DOCK3: variants seen among roughly 807,000 people sequenced by gnomAD.
DOCK3 encodes dedicator of cytokinesis 3, also known as dedicator of cytokinesis protein 3.
A neutral mutation model predicts 265.6 loss-of-function variants in DOCK3; 60 were observed. The observed-to-expected ratio is 0.23, with a 90% CI of 0.18 to 0.28. DOCK3 has a LOEUF of 0.28. Among genes scored for constraint, DOCK3 ranks in the 10% least tolerant of loss-of-function variants. The pLI, the probability that DOCK3 is intolerant of heterozygous loss-of-function variation, is 1.00. For missense variants in DOCK3, 1,981 were observed against 2,594.3 expected, an observed-to-expected ratio of 0.76 and a Z score of 5.14; for synonymous variants, 881 against 938.0, an observed-to-expected ratio of 0.94 and a Z score of 1.11.
At chr3:50,786,195 C>T (rs1360875432) in intron 2 of DOCK3, among the ~76,000 whole-genome samples, 3 of 152,076 alleles carry the variant, frequency 2.0e-5, no homozygotes, top group African/African-American at 4.8e-5. Flanking sequence ...GATTTTCTCT[C>T]TTCTTGGTTA....
chr3:51,013,590 A>T (rs909565884), intron 5 of DOCK3, among the ~76,000 whole-genome samples: 1 of 152,150 alleles, frequency 6.6e-6, no homozygotes, highest in African/African-American at 2.4e-5. Context: ...GTCAGCCCCT[A>T]TTGGGAGGTG....
intron 16 of DOCK3, 103 bp downstream of exon 16, chr3:51,227,548 AAG>A: frequency 6.7e-7 from 1 of 1,492,800 alleles, no homozygotes; most frequent in African/African-American, 1.4e-5. Context: ...CAAGAAAATG[AAG>A]AGTTAGGAAT....
At chr3:51,055,105 G>A (rs1392993570) in intron 5 of DOCK3, among the ~76,000 whole-genome samples, 1 of 152,154 alleles carries the variant, frequency 6.6e-6, no homozygotes, top group Non-Finnish European at 1.5e-5. Context: ...AGAGGGCCTG[G>A]CTTTTGATGG....
chr3:50,732,876 A>G (rs2038310928), intron 1 of DOCK3, among the ~76,000 whole-genome samples: 1 of 152,226 alleles, frequency 6.6e-6, no homozygotes, highest in Non-Finnish European at 1.5e-5. Context: ...TTGCTGAAAT[A>G]TTAAAGATTG....
intron 12 of DOCK3, among the ~76,000 whole-genome samples, chr3:51,175,802 AT>A (rs1239751682): frequency 6.6e-6 from 1 of 152,208 alleles, no homozygotes; most frequent in African/African-American, 2.4e-5. Context: ...ATAACTTTAA[AT>A]GAAAGTACTG....
intron 12 of DOCK3, among the ~76,000 whole-genome samples, chr3:51,180,225 A>ACACAC (rs58463671): frequency 0.051 from 7,440 of 144,770 alleles, 496 homozygotes; most frequent in East Asian, 0.25. Context: ...AAAAAAAAAA[A>ACACAC]ACACACACAC....
intron 1 of DOCK3, among the ~76,000 whole-genome samples, chr3:50,752,355 A>G (rs2039873291): frequency 6.6e-6 from 1 of 152,088 alleles, no homozygotes; most frequent in Admixed American, 6.6e-5. Flanking sequence ...CTAAAAATTA[A>G]AAAATAAGCT....
intron 5 of DOCK3, among the ~76,000 whole-genome samples, chr3:50,970,300 G>A (rs938428574): frequency 1.3e-5 from 2 of 152,050 alleles, no homozygotes; most frequent in African/African-American, 2.4e-5. Flanking sequence ...TATCTTTATG[G>A]AGTTCTCTGA....
Position 51,357,943 on chromosome 3 carries a change from T to C in DOCK3, c.4768-18T>C. 1 of 1,613,742 alleles carries C rather than the reference T, an allele frequency of 6.2e-7. No homozygotes were observed. The highest frequency in any genetic ancestry group is 2.2e-5 in the East Asian group (1 of 44,890). On this transcript the variant is annotated intron_variant, in intron 45 of 52. Transcript: ENST00000266037. The stretch of plus-strand genomic sequence containing the variant: ...CTACTCATGGTTCACAGAGTGGCCT[T>C]GTTTGTGACTCTGATAGGTTCATGT...
At position 50,907,874 on chromosome 3, in the gene DOCK3, A is replaced by G. The variant is rs142003846; in HGVS notation, c.218+17793A>G. 6.7e-3 allele frequency among the ~76,000 whole-genome samples: 1,016 copies of G among 152,024 alleles called. 12 individuals carry two copies. Among genetic ancestry groups the G allele is most frequent in the African/African-American group, 0.023 (942 of 41,408 alleles). On this transcript the variant is annotated intron_variant, in intron 4 of 52. Coordinates refer to ENST00000266037, the MANE Select transcript of DOCK3 (RefSeq NM_004947.5). ...ATCCTTCTGGTTTGGATGGTAGGCT[A>G]TTTATTACTGCCTCAATTTCAGAGC...
At chr3:50,702,076 TAG>T (rs1559529497) in intron 1 of DOCK3, among the ~76,000 whole-genome samples, 1 of 152,192 alleles carries the variant, frequency 6.6e-6, no homozygotes, top group Non-Finnish European at 1.5e-5. Flanking sequence ...ATACAAATTT[TAG>T]ATTGTTTATT....
intron 3 of DOCK3, among the ~76,000 whole-genome samples, chr3:50,881,100 A>G (rs570263638): frequency 2.0e-5 from 3 of 152,376 alleles, no homozygotes; most frequent in South Asian, 4.1e-4. Context: ...AAAACTCTCA[A>G]TAAACTAGGT....
At chr3:51,053,501 A>G (rs2081084552) in intron 5 of DOCK3, among the ~76,000 whole-genome samples, 1 of 150,114 alleles carries the variant, frequency 6.7e-6, no homozygotes, top group South Asian at 2.1e-4. Flanking sequence ...CGCTCCCTGC[A>G]AGCTCTGCCT....
intron 21 of DOCK3, among the ~76,000 whole-genome samples, chr3:51,243,231 A>C (rs571257849): frequency 5.9e-4 from 90 of 151,570 alleles, no homozygotes; most frequent in African/African-American, 1.8e-3. Context: ...CCCATACCAA[A>C]CCCCCTGGGC....
At chr3:51,276,764 G>A (rs751964216) in intron 25 of DOCK3, among the ~76,000 whole-genome samples, 1 of 152,122 alleles carries the variant, frequency 6.6e-6, no homozygotes, top group Non-Finnish European at 1.5e-5. Context: ...ATGATAAATC[G>A]ATGGATGGGT....
intron 4 of DOCK3, among the ~76,000 whole-genome samples, chr3:50,918,577 C>T (rs143189157): frequency 0.094 from 14,374 of 152,148 alleles, 851 homozygotes; most frequent in Non-Finnish European, 0.12. Context: ...AGTGTCTGTT[C>T]ATATCCTTTG....
intron 9 of DOCK3, among the ~76,000 whole-genome samples, chr3:51,121,601 G>C (rs2084020713): frequency 6.6e-6 from 1 of 152,112 alleles, no homozygotes; most frequent in Non-Finnish European, 1.5e-5. Flanking sequence ...AATAAGTTGA[G>C]TTATGATAAG....
chr3:50,781,785 C>G (rs1277431344), intron 2 of DOCK3, among the ~76,000 whole-genome samples: 1 of 152,130 alleles, frequency 6.6e-6, no homozygotes, highest in East Asian at 1.9e-4. Flanking sequence ...TTCCTACCTT[C>G]CATTCTCTGG....
At chr3:51,209,174 A>G (rs1474035855) in intron 13 of DOCK3, among the ~76,000 whole-genome samples, 1 of 152,230 alleles carries the variant, frequency 6.6e-6, no homozygotes, top group Non-Finnish European at 1.5e-5. Context: ...GTTTGCCTAA[A>G]CAAAGATTAT....
Sources: gnomAD v4.1 joint callset for allele counts (sites outside exome capture counted in the v4.1 genomes callset) on GRCh38, gnomAD v4.1.1 for gene constraint, MANE v1.5 for transcripts, NCBI Gene and HGNC (gene_info 2026-07-23, HGNC 2026-07-21) for gene names.